Variants in B9D1 observed in about 807,000 individuals in gnomAD.
The protein encoded by B9D1 is B9 domain-containing protein 1.
In B9D1, 20 loss-of-function variants were observed where a neutral mutation model predicts 26.1. The ratio of observed to expected loss-of-function variants is 0.77; its 90% CI spans 0.54 to 1.12. The LOEUF is 1.12. Among genes scored for constraint, B9D1 ranks in the 50% most tolerant of loss-of-function variants. The probability of loss-of-function intolerance (pLI) is 0.00; values close to 1 mark genes in which losing one functional copy is unlikely to be tolerated. For synonymous variants in B9D1, 105 were observed against 103.1 expected (o/e 1.02, Z -0.11); for missense variants, 260 against 273.7 (o/e 0.95, Z 0.35).
chr17:19,345,095 G>A (rs1452323075), intron 5 of B9D1, among the ~76,000 whole-genome samples: 1 of 152,208 alleles, frequency 6.6e-6, no homozygotes, highest in Non-Finnish European at 1.5e-5. Flanking sequence ...GGGTCCACCC[G>A]GGTGGTCTGC....
downstream of B9D1, among the ~76,000 whole-genome samples, chr17:19,339,085 G>A (rs4924985): frequency 0.96 from 146,202 of 152,300 alleles, 70,580 homozygotes; most frequent in African/African-American, 0.99. Flanking sequence ...CCTTAATTCC[G>A]TATTTACCAA....
Position 19,359,837 on chromosome 17 carries a change from G to A in B9D1, c.132+483C>T, listed in dbSNP as rs978123443. ...TTAAACTGCTATGAAGATGAAACAAGTGCTTTGCAAACAGCAGAGCACAGA... is the reference window on the plus strand; with the variant it reads ...TTAAACTGCTATGAAGATGAAACAAATGCTTTGCAAACAGCAGAGCACAGA... On this transcript the variant is annotated intron_variant, in intron 2 of 6. Transcript: ENST00000261499. This position sits in a 1 kb window ranked among gnomAD's most constrained non-coding sequence, Gnocchi z 5.0. Among the ~76,000 whole-genome samples, 10 of 152,240 alleles carry A rather than the reference G, an allele frequency of 6.6e-5. No homozygotes were observed. Among genetic ancestry groups the A allele is most frequent in the Non-Finnish European group, 1.3e-4 (9 of 68,048 alleles).
intron 3 of B9D1, among the ~76,000 whole-genome samples, chr17:19,354,078 C>T (rs1236073831): frequency 6.6e-6 from 1 of 152,198 alleles, no homozygotes; most frequent in Non-Finnish European, 1.5e-5. Context: ...TTCCATTATT[C>T]CATCAGTATT....
chr17:19,355,309 C>T (rs1232905399), intron 3 of B9D1, among the ~76,000 whole-genome samples: 1 of 152,096 alleles, frequency 6.6e-6, no homozygotes, highest in Non-Finnish European at 1.5e-5. Context: ...GGGAGGATTG[C>T]CTGAGCTCAG....
At chr17:19,350,108 T>C (rs867251060) in intron 3 of B9D1, among the ~76,000 whole-genome samples, 2 of 149,308 alleles carry the variant, frequency 1.3e-5, no homozygotes, top group Middle Eastern at 3.6e-3. Context: ...CGAAATTCTG[T>C]CTCAAAAAAA....
At chr17:19,341,956 AG>A (rs1025571602), downstream of B9D1, among the ~76,000 whole-genome samples, 1 of 152,102 alleles carries the variant, frequency 6.6e-6, no homozygotes, top group Non-Finnish European at 1.5e-5. Flanking sequence ...GCGCCACATG[AG>A]GGAGGGCCTG....
chr17:19,362,414 C>G (rs1001214347), intron 1 of B9D1, 93 bp downstream of exon 1: 2 of 916,842 alleles, frequency 2.2e-6, no homozygotes, highest in Non-Finnish European at 3.2e-6. Flanking sequence ...AATGACGTGG[C>G]TCTCCGGGGG....
At chr17:19,338,708 TGG>T (rs1259004226), downstream of B9D1, among the ~76,000 whole-genome samples, 3 of 152,128 alleles carry the variant, frequency 2.0e-5, no homozygotes, top group African/African-American at 7.2e-5. Context: ...TTCAAACACA[TGG>T]AGAGGCCACA....
intron 3 of B9D1, among the ~76,000 whole-genome samples, chr17:19,348,902 T>C (rs577748814): frequency 2.3e-3 from 355 of 152,346 alleles, no homozygotes; most frequent in Admixed American, 4.2e-3. Context: ...TCTGTCACAA[T>C]GACTGTTCAT....
intron 3 of B9D1, among the ~76,000 whole-genome samples, chr17:19,353,395 T>C (rs1909911282): frequency 6.6e-6 from 1 of 151,218 alleles, no homozygotes; most frequent in South Asian, 2.1e-4. Context: ...CCCAGCACTT[T>C]GGGAGGCTGA....
chr17:19,335,116 A>G (rs556333035), downstream of B9D1: 325 of 243,128 alleles, frequency 1.3e-3, 1 homozygote, highest in Middle Eastern at 2.7e-3. Context: ...AACTAAAGCA[A>G]ATTCTTTATA....
chr17:19,340,229 G>A (rs1907809847), downstream of B9D1, among the ~76,000 whole-genome samples: 1 of 152,062 alleles, frequency 6.6e-6, no homozygotes, highest in African/African-American at 2.4e-5. Context: ...GGAGTGCAGT[G>A]GCACAGTCTT....
At chr17:19,375,323 A>G (rs1912055914) in intron 1 of B9D1, among the ~76,000 whole-genome samples, 1 of 152,132 alleles carries the variant, frequency 6.6e-6, no homozygotes, top group African/African-American at 2.4e-5. Context: ...GGATTTGAAT[A>G]GATATTGAAC....
At chr17:19,358,607 T>C (rs1429563066) in intron 2 of B9D1, among the ~76,000 whole-genome samples, 3 of 152,242 alleles carry the variant, frequency 2.0e-5, no homozygotes, top group Non-Finnish European at 1.5e-5. Flanking sequence ...AGCTGCTTAC[T>C]CCTTGATACA....
downstream of B9D1, chr17:19,336,428 A>G (rs1400277288): frequency 3.3e-5 from 5 of 152,534 alleles, no homozygotes; most frequent in African/African-American, 1.2e-4. Flanking sequence ...AGGCCCCAAC[A>G]TGACAGCCAC....
chr17:19,335,355 T>G (rs1026358693), downstream of B9D1: 13 of 1,530,654 alleles, frequency 8.5e-6, no homozygotes, highest in Non-Finnish European at 1.1e-5. Flanking sequence ...ATCTAATGTA[T>G]GAATGTGACT....
At chr17:19,375,258 C>G in intron 1 of B9D1, among the ~76,000 whole-genome samples, 1 of 151,280 alleles carries the variant, frequency 6.6e-6, no homozygotes, top group Non-Finnish European at 1.5e-5. Context: ...CCACCGCACT[C>G]TAGCCTGGGC....
rs563659178 is a variant in B9D1 at position 19,370,102 on chromosome 17, G to C, written c.-298+7757C>G. ...ACCACACCCTGGACTCAGAGAACTTGGGTACTTCACCGACGGCCACCTCCC... is the reference window on the plus strand; with the variant it reads ...ACCACACCCTGGACTCAGAGAACTTCGGTACTTCACCGACGGCCACCTCCC... On this transcript the variant is annotated intron_variant, in intron 1 of 5. Transcript: ENST00000477478. This position sits in a 1 kb window ranked among gnomAD's most constrained non-coding sequence, Gnocchi z 5.1. 6.6e-6 allele frequency among the ~76,000 whole-genome samples: 1 copy of C among 152,234 alleles called. No homozygotes were observed.
rs1269216463 is a variant in B9D1, at chr17:19,343,264, C to G, written c.*55G>C. ...TGCCCCTCAGGCCGATGGGCAGCGG[C>G]TGACTTCGGGAAGGCAGCCCTTCAT... On this transcript the variant is annotated 3_prime_UTR_variant, in exon 7 of 7. Coordinates refer to ENST00000261499, the MANE Select transcript of B9D1 (RefSeq NM_015681.6). 1 of 1,612,140 alleles carries G rather than the reference C, an allele frequency of 6.2e-7. No individual in the cohort carries two copies. Among genetic ancestry groups the G allele is most frequent in the Non-Finnish European group, 8.5e-7 (1 of 1,179,572 alleles).
Sources: gnomAD v4.1 joint callset for allele counts (sites outside exome capture counted in the v4.1 genomes callset) on GRCh38, gnomAD v4.1.1 for gene constraint, Gnocchi (gnomAD v3.1) non-coding constraint, MANE v1.5 for transcripts, NCBI Gene and HGNC (gene_info 2026-07-23, HGNC 2026-07-21) for gene names.